TRIM24: variants seen among roughly 807,000 people sequenced by gnomAD.
The protein encoded by TRIM24 is transcription intermediary factor 1-alpha.
Under a neutral mutation model 123.9 loss-of-function variants are expected in TRIM24, and 29 were observed. The observed-to-expected ratio is 0.23, with a 90% confidence interval of 0.17 to 0.32. The LOEUF is 0.32. Among genes scored for constraint, TRIM24 ranks in the 10% least tolerant of loss-of-function variants. TRIM24 has a pLI of 1.00. For missense variants in TRIM24, 932 were observed against 1,295.3 expected (o/e 0.72, Z 4.31); for synonymous variants, 456 against 461.1 (o/e 0.99, Z 0.14).
intron 9 of TRIM24, among the ~76,000 whole-genome samples, chr7:138,556,709 G>C (rs746421398): frequency 2.0e-5 from 3 of 152,188 alleles, no homozygotes; most frequent in Non-Finnish European, 4.4e-5. Flanking sequence ...AATTTCCAGG[G>C]CTAGTATTTA....
intron 2 of TRIM24, among the ~76,000 whole-genome samples, chr7:138,505,509 G>GGTTGTTGTTGTT (rs59585473): frequency 1.4e-4 from 20 of 143,818 alleles, no homozygotes; most frequent in Non-Finnish European, 2.7e-4. Context: ...TGGGGGTGGT[G>GGTTGTTGTTGTT]GTTGTTGTTG....
intron 1 of TRIM24, among the ~76,000 whole-genome samples, chr7:138,489,851 G>T (rs1421767617): frequency 6.6e-6 from 1 of 152,132 alleles, no homozygotes; most frequent in Non-Finnish European, 1.5e-5. Context: ...TTCTCGAGGA[G>T]TATCTTTGTG....
At chr7:138,511,698 A>G (rs1481894576) in intron 2 of TRIM24, among the ~76,000 whole-genome samples, 1 of 152,058 alleles carries the variant, frequency 6.6e-6, no homozygotes, top group African/African-American at 2.4e-5. Flanking sequence ...ATCAGGTCCC[A>G]CCTCCAGCAT....
At chr7:138,461,259 A>G (rs759601625) in intron 1 of TRIM24, 2 of 584,126 alleles carry the variant, frequency 3.4e-6, no homozygotes, top group Non-Finnish European at 6.6e-6. Context: ...GGCTGCAGCC[A>G]GTTAACTGCT....
rs1348335061 is a variant in TRIM24 at position 138,554,680 on chromosome 7, C to T, written c.1262-18C>T. ...CTATCTGAAAAACTGTTTCCCTTAA[C>T]CTTTTCTTTTTAATTAGGTTCTTTA... On this transcript the variant is annotated intron_variant, in intron 8 of 18. Coordinates refer to ENST00000343526, the MANE Select transcript of TRIM24 (RefSeq NM_015905.3). The surrounding 1 kb of genome is among the most constrained non-coding windows in gnomAD (Gnocchi z 4.5). The T allele has an allele frequency of 5.6e-6, 9 of 1,606,866 alleles. No homozygotes were observed. Among genetic ancestry groups the T allele is most frequent in the East Asian group, 2.2e-5 (1 of 44,726 alleles).
At chr7:138,513,726 G>A (rs1278001163) in intron 2 of TRIM24, among the ~76,000 whole-genome samples, 1 of 152,162 alleles carries the variant, frequency 6.6e-6, no homozygotes, top group Non-Finnish European at 1.5e-5. Context: ...ATTTGGGCAG[G>A]CACACAGATC....
intron 8 of TRIM24, among the ~76,000 whole-genome samples, chr7:138,553,722 C>T (rs1420745073): frequency 2.0e-5 from 3 of 152,100 alleles, no homozygotes; most frequent in East Asian, 1.9e-4. Context: ...ATGTTAGGTT[C>T]GCTTGTTTTG....
chr7:138,461,102 C>T (rs1794957160), intron 1 of TRIM24, 190 bp downstream of exon 1: 1 of 730,548 alleles, frequency 1.4e-6, no homozygotes, highest in Non-Finnish European at 2.4e-6. Flanking sequence ...CGCGCTCGGC[C>T]AGCAACTTCC....
At chr7:138,540,290 G>A (rs546632207) in intron 7 of TRIM24, among the ~76,000 whole-genome samples, 43 of 152,192 alleles carry the variant, frequency 2.8e-4, no homozygotes, top group Middle Eastern at 6.8e-3. Flanking sequence ...AGATTTCTCC[G>A]TAGCATACAA....
intron 2 of TRIM24, among the ~76,000 whole-genome samples, chr7:138,512,027 A>AG (rs976273654): frequency 1.3e-5 from 2 of 152,220 alleles, no homozygotes; most frequent in Admixed American, 6.5e-5. Flanking sequence ...GGCCAAAAGA[A>AG]GGGGGCTGCA....
In TRIM24 at chr7:138,576,364, C is replaced by T. The variant is rs544565118; in HGVS notation, c.2015-9C>T. ...TCGTTTTATGAATGTATGGTTTCCC[C>T]CTCCTCAGGACCTGTTACTATGACT... is the stretch of plus-strand genomic sequence containing the variant. On this transcript the variant is annotated splice_polypyrimidine_tract_variant and intron_variant, in intron 12 of 18. Coordinates refer to ENST00000343526, the MANE Select transcript of TRIM24 (RefSeq NM_015905.3). The T allele has an allele frequency of 2.7e-5, 43 of 1,611,814 alleles. No homozygotes were observed. The South Asian group carries it at 4.4e-4, about 17-fold the overall frequency.
intron 1 of TRIM24, among the ~76,000 whole-genome samples, chr7:138,464,614 A>G (rs1217726298): frequency 6.6e-6 from 1 of 152,280 alleles, no homozygotes; most frequent in Non-Finnish European, 1.5e-5. Flanking sequence ...CTAGTATTAG[A>G]TATTGTCAAC....
At chr7:138,544,271 A>G (rs1206350640) in intron 7 of TRIM24, among the ~76,000 whole-genome samples, 2 of 152,140 alleles carry the variant, frequency 1.3e-5, no homozygotes, top group Non-Finnish European at 2.9e-5. Context: ...ATTATACAGT[A>G]TTTTCATTTC....
intron 7 of TRIM24, chr7:138,545,499 A>T: frequency 2.2e-6 from 1 of 457,056 alleles, no homozygotes; most frequent in Non-Finnish European, 4.4e-6. Context: ...AAGTTAGGCT[A>T]GGAAGGGCCC....
intron 6 of TRIM24, among the ~76,000 whole-genome samples, chr7:138,535,277 T>G (rs939521966): frequency 6.6e-6 from 1 of 152,208 alleles, no homozygotes; most frequent in Non-Finnish European, 1.5e-5. Context: ...GCTGGTTATT[T>G]TGCCCTTTAG....
intron 2 of TRIM24, among the ~76,000 whole-genome samples, 175 bp from the exon 3 acceptor site, chr7:138,515,037 A>G (rs1389021083): frequency 6.6e-6 from 1 of 152,172 alleles, no homozygotes; most frequent in Non-Finnish European, 1.5e-5. Context: ...TCTTCACAGT[A>G]TTTTCATTTC....
chr7:138,588,471 T>A lies in TRIM24; in HGVS notation c.*3520T>A, dbSNP rs540662666. On this transcript the variant is annotated 3_prime_UTR_variant, in exon 19 of 19. Coordinates refer to ENST00000343526, the MANE Select transcript of TRIM24 (RefSeq NM_015905.3). ...ATCCCAGCACTTTGGGAGGCCGAGG[T>A]GGGTAGATACCTGAGGTCAGGAGTT... is the stretch of plus-strand genomic sequence containing the variant. 6.6e-6 allele frequency: 1 copy of A among 151,406 alleles called. No homozygotes were observed. Among genetic ancestry groups the A allele is most frequent in the Non-Finnish European group, 1.5e-5 (1 of 67,954 alleles). 9.4% of individuals were successfully genotyped at this position (151,406 alleles called of 1,614,324 possible). A position where few individuals can be genotyped will look rare whatever the true frequency, so the allele number is the denominator to read the frequency against.
chr7:138,517,502 C>G (rs1796425212), intron 3 of TRIM24, among the ~76,000 whole-genome samples: 1 of 152,138 alleles, frequency 6.6e-6, no homozygotes, highest in South Asian at 2.1e-4. Flanking sequence ...TCCCAAGTAG[C>G]TGGGATTATG....
chr7:138,535,255 A>C (rs1796843076), intron 6 of TRIM24, among the ~76,000 whole-genome samples: 1 of 152,134 alleles, frequency 6.6e-6, no homozygotes. Context: ...TGATCCTGTC[A>C]TTGTGATGTT....
Sources: allele counts gnomAD v4.1 joint callset (sites outside exome capture counted in the v4.1 genomes callset), GRCh38; gene constraint gnomAD v4.1.1; non-coding constraint Gnocchi (gnomAD v3.1); transcripts MANE v1.5; gene names NCBI Gene and HGNC (gene_info 2026-07-23, HGNC 2026-07-21).